KSR2: variants seen among roughly 807,000 people sequenced by gnomAD.
KSR2 encodes the protein kinase suppressor of ras 2.
KSR2 carries 25 observed loss-of-function variants against 107.8 expected under a neutral mutation model. The observed-to-expected ratio is 0.23, with a 90% CI of 0.17 to 0.32. The LOEUF is 0.32. Ranked by LOEUF, KSR2 falls within the 10% of genes least tolerant of loss-of-function variation. The pLI is 1.00. For synonymous variants in KSR2, 480 were observed against 507.0 expected, an observed-to-expected ratio of 0.95 and a Z score of 0.71; for missense variants, 887 against 1,268.9, an observed-to-expected ratio of 0.70 and a Z score of 4.57.
chr12:117,867,193 G>A (rs1395637819), intron 1 of KSR2, among the ~76,000 whole-genome samples: 1 of 152,136 alleles, frequency 6.6e-6, no homozygotes, highest in African/African-American at 2.4e-5. Flanking sequence ...TTGTGTGCCT[G>A]TGGTCCCAGA....
At chr12:117,487,281 C>T (rs768892505) in intron 14 of KSR2, among the ~76,000 whole-genome samples, 2 of 152,184 alleles carry the variant, frequency 1.3e-5, no homozygotes, top group Non-Finnish European at 2.9e-5. Context: ...TCCACCCATC[C>T]GTATACTAAT....
intron 14 of KSR2, among the ~76,000 whole-genome samples, chr12:117,489,353 G>A (rs1358363025): frequency 6.6e-6 from 1 of 151,924 alleles, no homozygotes; most frequent in Non-Finnish European, 1.5e-5. Flanking sequence ...TCAGAGCCTG[G>A]GCAACATGGC....
At chr12:117,727,893 A>G (rs1354835722) in intron 4 of KSR2, among the ~76,000 whole-genome samples, 1 of 152,256 alleles carries the variant, frequency 6.6e-6, no homozygotes, top group Non-Finnish European at 1.5e-5. Context: ...ATAATACAAA[A>G]GAATGCACTG....
intron 3 of KSR2, among the ~76,000 whole-genome samples, chr12:117,793,784 CCAACATGCACACAT>C (rs1003879455): frequency 7.0e-6 from 1 of 142,638 alleles, no homozygotes; most frequent in Non-Finnish European, 1.5e-5. Flanking sequence ...CATGCACACA[CCAACATGCACACAT>C]GCAACATGCA....
intron 1 of KSR2, among the ~76,000 whole-genome samples, chr12:117,918,573 G>A (rs1392003829): frequency 1.3e-5 from 2 of 151,990 alleles, no homozygotes; most frequent in African/African-American, 4.8e-5. Flanking sequence ...CAGATCACCT[G>A]AGGTCGGGAG....
At chr12:117,602,548 G>A (rs867127530) in intron 5 of KSR2, among the ~76,000 whole-genome samples, 19 of 152,112 alleles carry the variant, frequency 1.2e-4, no homozygotes, top group African/African-American at 3.9e-4. Context: ...GAGGTTTATC[G>A]ATATTGTAAC....
intron 3 of KSR2, among the ~76,000 whole-genome samples, chr12:117,840,100 ATT>A (rs60718801): frequency 6.0e-5 from 8 of 133,050 alleles, no homozygotes; most frequent in African/African-American, 2.3e-4. Context: ...ACTTTATTTT[ATT>A]TTATTTTTTT....
chr12:117,471,585 T>A (rs1871461342), intron 17 of KSR2, among the ~76,000 whole-genome samples: 1 of 152,146 alleles, frequency 6.6e-6, no homozygotes, highest in Non-Finnish European at 1.5e-5. Flanking sequence ...CTACTTGCAA[T>A]GATTCTAGGA....
chr12:117,827,438 C>T (rs1226354043), intron 3 of KSR2, among the ~76,000 whole-genome samples: 2 of 152,218 alleles, frequency 1.3e-5, no homozygotes, highest in Admixed American at 6.5e-5. Context: ...GGCTCCAAGA[C>T]TTACTCACTG....
intron 1 of KSR2, among the ~76,000 whole-genome samples, chr12:117,926,556 A>G (rs1406168667): frequency 6.6e-6 from 1 of 152,206 alleles, no homozygotes; most frequent in African/African-American, 2.4e-5. Flanking sequence ...TGGCCCTTCT[A>G]AGAGCTCTTT....
At chr12:117,782,310 C>T (rs1889914693) in intron 3 of KSR2, among the ~76,000 whole-genome samples, 2 of 152,216 alleles carry the variant, frequency 1.3e-5, no homozygotes, top group Non-Finnish European at 2.9e-5. Context: ...GTTGCCCAGG[C>T]TGGAGTGCAG....
At chr12:117,477,003 C>T (rs1275686440) in intron 16 of KSR2, among the ~76,000 whole-genome samples, 1 of 152,200 alleles carries the variant, frequency 6.6e-6, no homozygotes. Flanking sequence ...ACCCTAAAAA[C>T]AACTTATCTA....
intron 5 of KSR2, among the ~76,000 whole-genome samples, chr12:117,635,303 A>G (rs184606026): frequency 2.5e-3 from 385 of 152,362 alleles, no homozygotes; most frequent in Admixed American, 4.4e-3. Context: ...CAACAAAGGG[A>G]GGGTAGGTGA....
At chr12:117,719,424 G>A (rs1465972463) in intron 4 of KSR2, among the ~76,000 whole-genome samples, 1 of 152,230 alleles carries the variant, frequency 6.6e-6, no homozygotes, top group Non-Finnish European at 1.5e-5. Flanking sequence ...CTGAACTCCT[G>A]ACCTCAGGTG....
At chr12:117,798,817 A>G (rs1472813494) in intron 3 of KSR2, among the ~76,000 whole-genome samples, 1 of 152,116 alleles carries the variant, frequency 6.6e-6, no homozygotes, top group African/African-American at 2.4e-5. Context: ...ACAACAGCCC[A>G]AAAGAAGAAA....
chr12:117,968,933 G>C lies in KSR2; in HGVS notation c.-678C>G. 4.0e-6 allele frequency: 1 copy of C among 249,790 alleles called. No individual in the cohort carries two copies. 15.5% of individuals were successfully genotyped at this position (249,790 alleles called of 1,614,324 possible). A position where few individuals can be genotyped will look rare whatever the true frequency, so the allele number is the denominator to read the frequency against. ...CTGCTGCCGCCGCCGGGCTCCGGGGGTGACGGTTGCTGCAATCGCTCCTGC... is the reference window on the plus strand; with the variant it reads ...CTGCTGCCGCCGCCGGGCTCCGGGGCTGACGGTTGCTGCAATCGCTCCTGC... On this transcript the variant is annotated 5_prime_UTR_variant, in exon 1 of 20. Coordinates refer to ENST00000339824, the MANE Select transcript of KSR2 (RefSeq NM_173598.6).
At chr12:117,695,990 G>C (rs560475076) in intron 4 of KSR2, among the ~76,000 whole-genome samples, 1 of 152,142 alleles carries the variant, frequency 6.6e-6, no homozygotes, top group Non-Finnish European at 1.5e-5. Context: ...AGAAGCCATC[G>C]GCGGGCTGGG....
chr12:117,667,146 G>A (rs1359918821), intron 5 of KSR2, among the ~76,000 whole-genome samples: 1 of 152,140 alleles, frequency 6.6e-6, no homozygotes, highest in Admixed American at 6.5e-5. Context: ...GAGAGAGGGC[G>A]GGTGCCTCCC....
At chr12:117,503,200 T>A (rs1490707197) in intron 14 of KSR2, among the ~76,000 whole-genome samples, 1 of 152,176 alleles carries the variant, frequency 6.6e-6, no homozygotes, top group Non-Finnish European at 1.5e-5. Context: ...TCTTTACCTA[T>A]GAGCTTTTGG....
Sources: allele counts gnomAD v4.1 joint callset (sites outside exome capture counted in the v4.1 genomes callset), GRCh38; gene constraint gnomAD v4.1.1; transcripts MANE v1.5; gene names NCBI Gene and HGNC (gene_info 2026-07-23, HGNC 2026-07-21).